Variants in GRIK1 observed in about 807,000 individuals in gnomAD.
GRIK1 encodes glutamate ionotropic receptor kainate type subunit 1, also known as glutamate receptor ionotropic, kainate 1.
Under a neutral mutation model 105.7 loss-of-function variants are expected in GRIK1, and 69 were observed. The observed-to-expected ratio is 0.65, with a 90% CI of 0.54 to 0.80. The LOEUF (loss-of-function observed/expected upper bound fraction) is 0.80. Among genes scored for constraint, GRIK1 ranks in the 30% least tolerant of loss-of-function variants. The probability of loss-of-function intolerance (pLI) is 0.00; values close to 1 mark genes in which losing one functional copy is unlikely to be tolerated. For synonymous variants in GRIK1, 438 were observed against 431.3 expected (o/e 1.02, Z -0.19); for missense variants, 1,109 against 1,167.3 (o/e 0.95, Z 0.73).
chr21:29,810,980 C>T (rs879386676), intron 1 of GRIK1, among the ~76,000 whole-genome samples: 1 of 152,116 alleles, frequency 6.6e-6, no homozygotes, highest in Non-Finnish European at 1.5e-5. Flanking sequence ...CTTTAAACAA[C>T]CCTTCATGTT....
intron 7 of GRIK1, among the ~76,000 whole-genome samples, chr21:29,612,520 C>T (rs906621233): frequency 2.6e-5 from 4 of 152,178 alleles, no homozygotes; most frequent in African/African-American, 9.6e-5. Flanking sequence ...TGAATATGCC[C>T]TACATTCTCT....
chr21:29,728,698 G>A lies in GRIK1; in HGVS notation c.119-34635C>T, dbSNP rs368269090. 3.3e-5 allele frequency among the ~76,000 whole-genome samples: 5 copies of A among 152,214 alleles called. No homozygotes were observed. The East Asian group carries it at 9.7e-4, about 29-fold the overall frequency. ...TCACCATGTGCTAGGCACTGCTCTG[G>A]GCCCTAGGGATACAAAGGTGAACAA... On this transcript the variant is annotated intron_variant, in intron 1 of 17. Transcript: ENST00000327783.
chr21:29,561,766 C>T lies in GRIK1; in HGVS notation c.2214G>A (p.Glu738=). ...QQTALVRNSD[E]GIQRVLTTDY... ...CTGTGGTGAGCACTCTCTGGATCCC[C>T]TCATCACTGTTTCTTACCAGGGCGG... The change falls in exon 15 of 18, where the codon GAG becomes GAA. Residue 738 remains glutamate (E), a synonymous_variant. Transcript: ENST00000327783. 6.2e-7 allele frequency: 1 copy of T among 1,613,860 alleles called. No individual in the cohort carries two copies. Among genetic ancestry groups the T allele is most frequent in the Non-Finnish European group, 8.5e-7 (1 of 1,179,750 alleles).
At chr21:29,690,025 AG>A in intron 2 of GRIK1, 40 bp from the exon 3 acceptor site, 1 of 829,688 alleles carries the variant, frequency 1.2e-6, no homozygotes, top group African/African-American at 1.7e-5. Context: ...GAGGGAGGGC[AG>A]GGAAAGGGGG....
At chr21:29,768,196 T>C (rs1185691975) in intron 1 of GRIK1, among the ~76,000 whole-genome samples, 2 of 152,186 alleles carry the variant, frequency 1.3e-5, no homozygotes, top group Non-Finnish European at 2.9e-5. Context: ...ACTTGAGTGC[T>C]AAGAGACTTG....
At chr21:29,884,570 A>G (rs1039972179) in intron 1 of GRIK1, among the ~76,000 whole-genome samples, 3 of 152,042 alleles carry the variant, frequency 2.0e-5, no homozygotes, top group African/African-American at 4.8e-5. Context: ...GACGTAAAAC[A>G]TAAGAAAACA....
rs550893582 is a variant in GRIK1, at chr21:29,676,607, A to G, written c.545-3443T>C. ...TGTGGATGCCAGCCCTGATGGAGTGACCCAACCCTGCCAGAACCCCAGTTG... is the reference window on the plus strand; with the variant it reads ...TGTGGATGCCAGCCCTGATGGAGTGGCCCAACCCTGCCAGAACCCCAGTTG... On this transcript the variant is annotated intron_variant, in intron 3 of 17. Coordinates refer to ENST00000327783, the MANE Select transcript of GRIK1 (RefSeq NM_001330994.2). Among the ~76,000 whole-genome samples the G allele has an allele frequency of 2.0e-5, 3 of 152,320 alleles. No homozygotes were observed. In the South Asian group the frequency reaches 6.2e-4, roughly 32 times the overall value.
At chr21:29,539,963 G>C (rs1984533693) in intron 16 of GRIK1, among the ~76,000 whole-genome samples, 1 of 152,050 alleles carries the variant, frequency 6.6e-6, no homozygotes, top group Admixed American at 6.5e-5. Context: ...ATAGCTTTTT[G>C]TGAATTTTCC....
At chr21:29,608,063 A>T (rs1232543039) in intron 7 of GRIK1, among the ~76,000 whole-genome samples, 9 of 152,084 alleles carry the variant, frequency 5.9e-5, no homozygotes, top group Admixed American at 5.9e-4. Flanking sequence ...TGGCATGATG[A>T]TTACCATTAG....
intron 14 of GRIK1, among the ~76,000 whole-genome samples, chr21:29,574,151 T>G (rs1167362787): frequency 6.6e-6 from 1 of 152,268 alleles, no homozygotes; most frequent in African/African-American, 2.4e-5. Flanking sequence ...TTTCTCATTA[T>G]GTATGTGCAA....
chr21:29,641,400 T>C (rs2062507583), intron 7 of GRIK1, among the ~76,000 whole-genome samples: 1 of 152,210 alleles, frequency 6.6e-6, no homozygotes, highest in Admixed American at 6.5e-5. Flanking sequence ...TAGACATGCC[T>C]TTCACTTTCC....
At chr21:29,700,932 A>G (rs1020323879) in intron 1 of GRIK1, among the ~76,000 whole-genome samples, 1 of 152,226 alleles carries the variant, frequency 6.6e-6, no homozygotes, top group Non-Finnish European at 1.5e-5. Flanking sequence ...ATGGTTTTCT[A>G]TCTTATTCCT....
intron 3 of GRIK1, among the ~76,000 whole-genome samples, chr21:29,681,021 T>C (rs1405105039): frequency 6.6e-6 from 1 of 152,092 alleles, no homozygotes; most frequent in African/African-American, 2.4e-5. Context: ...TAATCCCAGC[T>C]ACTGGGGAGG....
intron 5 of GRIK1, among the ~76,000 whole-genome samples, chr21:29,652,009 T>G (rs2062749183): frequency 6.6e-6 from 1 of 152,070 alleles, no homozygotes; most frequent in Non-Finnish European, 1.5e-5. Flanking sequence ...ACTGTTAGAG[T>G]TTAGATAAGT....
intron 1 of GRIK1, among the ~76,000 whole-genome samples, chr21:29,810,818 T>C (rs1054319400): frequency 6.6e-6 from 1 of 152,088 alleles, no homozygotes; most frequent in Middle Eastern, 3.2e-3. Flanking sequence ...TCATCAAGCA[T>C]CTATTTTCAT....
chr21:29,794,059 T>C (rs1001450129), intron 1 of GRIK1, among the ~76,000 whole-genome samples: 1 of 152,180 alleles, frequency 6.6e-6, no homozygotes, highest in African/African-American at 2.4e-5. Flanking sequence ...AAGGACTGTG[T>C]TTTCATAGTC....
chr21:29,563,604 A>G (rs753346759), intron 14 of GRIK1, among the ~76,000 whole-genome samples: 1 of 152,182 alleles, frequency 6.6e-6, no homozygotes, highest in Non-Finnish European at 1.5e-5. Flanking sequence ...CAGCCTTGCA[A>G]AGTCTGATAA....
chr21:29,691,137 C>G (rs1413754092), intron 2 of GRIK1, among the ~76,000 whole-genome samples: 2 of 150,934 alleles, frequency 1.3e-5, no homozygotes, highest in African/African-American at 5.0e-5. Context: ...ATGGTGAAAC[C>G]CCATCTCTAA....
intron 14 of GRIK1, among the ~76,000 whole-genome samples, chr21:29,562,099 C>T (rs1911250022): frequency 6.6e-6 from 1 of 152,192 alleles, no homozygotes; most frequent in East Asian, 1.9e-4. Context: ...TTGTGGCCCA[C>T]TGGGCTAAGG....
Sources: gnomAD v4.1 joint callset for allele counts (sites outside exome capture counted in the v4.1 genomes callset) on GRCh38, gnomAD v4.1.1 for gene constraint, MANE v1.5 for transcripts, NCBI Gene and HGNC (gene_info 2026-07-23, HGNC 2026-07-21) for gene names.